The following ADAMTS19 variants were observed in gnomAD, a reference collection of about 807,000 sequenced individuals.
ADAMTS19 encodes the protein A disintegrin and metalloproteinase with thrombospondin motifs 19.
In ADAMTS19, 93 loss-of-function variants were observed where a neutral mutation model predicts 153.3. The observed-to-expected ratio is 0.61, with a 90% confidence interval of 0.51 to 0.72. The LOEUF (loss-of-function observed/expected upper bound fraction) is 0.72. Ranked by LOEUF, ADAMTS19 falls within the 30% of genes least tolerant of loss-of-function variation. ADAMTS19 has a pLI of 0.00. For synonymous variants in ADAMTS19, 600 were observed against 556.6 expected, an observed-to-expected ratio of 1.08 and a Z score of -1.10; for missense variants, 1,482 against 1,552.1, an observed-to-expected ratio of 0.95 and a Z score of 0.76.
chr5:129,461,904 G>C lies in ADAMTS19; in HGVS notation c.747+147G>C. 8.2e-7 allele frequency: 1 copy of C among 1,218,814 alleles called. No individual in the cohort carries two copies. The highest frequency in any genetic ancestry group is 1.1e-6 in the Non-Finnish European group (1 of 941,562). 75.5% of individuals were successfully genotyped at this position (1,218,814 alleles called of 1,614,324 possible). A position where few individuals can be genotyped will look rare whatever the true frequency, so the allele number is the denominator to read the frequency against. On this transcript the variant is annotated intron_variant, in intron 2 of 22. Transcript: ENST00000274487. This position sits in a 1 kb window ranked among gnomAD's most constrained non-coding sequence, Gnocchi z 4.6. Reference sequence around the variant, plus strand: ...GACTGCACCCCCAGGTGTCTACATCGTTTGCCTCCCATGGAACATCTCCAG... The same window carrying C: ...GACTGCACCCCCAGGTGTCTACATCCTTTGCCTCCCATGGAACATCTCCAG...
chr5:129,511,734 G>A (rs946957032), intron 3 of ADAMTS19, among the ~76,000 whole-genome samples: 2 of 151,650 alleles, frequency 1.3e-5, no homozygotes, highest in African/African-American at 2.4e-5. Flanking sequence ...AATGGACTTC[G>A]GGATCAGACT....
At chr5:129,535,091 G>A (rs1025173499) in intron 6 of ADAMTS19, among the ~76,000 whole-genome samples, 4 of 152,106 alleles carry the variant, frequency 2.6e-5, no homozygotes, top group Non-Finnish European at 4.4e-5. Context: ...AGGAAATAAA[G>A]GGCATTCAAT....
In ADAMTS19 at chr5:129,527,786, G is replaced by T; in HGVS notation, c.1125G>T (p.Gln375His). 7 of 1,600,876 alleles carry T rather than the reference G, an allele frequency of 4.4e-6. No individual in the cohort carries two copies. The highest frequency in any genetic ancestry group is 6.0e-6 in the Non-Finnish European group (7 of 1,170,846). The change falls in exon 5 of 23, where the codon CAG becomes CAT. Residue 375 changes from glutamine to histidine, a missense_variant. Gln to His is a conservative substitution (Grantham distance 24). Transcript: ENST00000274487. ...NLFQHKSLSV[Q>H]VNLRVIKLIL... Reference sequence around the variant, plus strand: ...TCCAACACAAGAGTCTGAGTGTGCAGGTCAATCTTCGTGTGATAAAGCTTA... The same window carrying T: ...TCCAACACAAGAGTCTGAGTGTGCATGTCAATCTTCGTGTGATAAAGCTTA...
At chr5:129,701,792 T>A (rs1429427948) in intron 20 of ADAMTS19, among the ~76,000 whole-genome samples, 200 bp downstream of exon 20, 1 of 152,354 alleles carries the variant, frequency 6.6e-6, no homozygotes, top group Admixed American at 6.5e-5. Flanking sequence ...ATTCTATAAA[T>A]ATTGCAACAT....
At chr5:129,519,722 C>A (rs1187717614) in intron 3 of ADAMTS19, among the ~76,000 whole-genome samples, 1 of 151,942 alleles carries the variant, frequency 6.6e-6, no homozygotes, top group Non-Finnish European at 1.5e-5. Context: ...TCCCACTATG[C>A]CATTTTGCAT....
At chr5:129,643,157 A>G (rs1304957562) in intron 11 of ADAMTS19, among the ~76,000 whole-genome samples, 1 of 149,082 alleles carries the variant, frequency 6.7e-6, no homozygotes, top group Admixed American at 6.6e-5. Context: ...ATGTGAATAC[A>G]CACACAAAAG....
At chr5:129,559,573 C>T (rs907866075) in intron 7 of ADAMTS19, among the ~76,000 whole-genome samples, 1 of 152,054 alleles carries the variant, frequency 6.6e-6, no homozygotes. Flanking sequence ...TTGGTGTAAT[C>T]ATTTTGGAGA....
At chr5:129,585,074 G>A (rs995194789) in intron 7 of ADAMTS19, among the ~76,000 whole-genome samples, 1 of 152,144 alleles carries the variant, frequency 6.6e-6, no homozygotes, top group Non-Finnish European at 1.5e-5. Context: ...AAGACAGTGG[G>A]AAAAGCGTAG....
At chr5:129,495,060 A>T (rs186836248) in intron 2 of ADAMTS19, among the ~76,000 whole-genome samples, 2,003 of 151,892 alleles carry the variant, frequency 0.013, 50 homozygotes, top group African/African-American at 0.045. Flanking sequence ...ATTGTTTTTT[A>T]TTTTTTTTAA....
At chr5:129,528,776 C>T (rs944993660) in intron 6 of ADAMTS19, 99 bp downstream of exon 6, 19 of 1,025,794 alleles carry the variant, frequency 1.9e-5, no homozygotes, top group Middle Eastern at 2.3e-4. Flanking sequence ...TTTCAGATTT[C>T]GTGTTTCAAG....
intron 2 of ADAMTS19, among the ~76,000 whole-genome samples, chr5:129,503,347 T>C (rs1315556413): frequency 6.6e-6 from 1 of 152,180 alleles, no homozygotes; most frequent in African/African-American, 2.4e-5. Context: ...TATATGTAGA[T>C]ATAGAATACA....
intron 2 of ADAMTS19, among the ~76,000 whole-genome samples, chr5:129,482,003 C>A (rs891345178): frequency 1.3e-5 from 2 of 152,294 alleles, no homozygotes; most frequent in African/African-American, 4.8e-5. Flanking sequence ...CACCTGCATG[C>A]ATTGCCTTTG....
At chr5:129,735,216 T>C in intron 22 of ADAMTS19, 107 bp downstream of exon 22, 2 of 1,129,184 alleles carry the variant, frequency 1.8e-6, no homozygotes, top group East Asian at 6.0e-5. Flanking sequence ...TCTATACTGA[T>C]TATTTTGGTT....
intron 10 of ADAMTS19, among the ~76,000 whole-genome samples, chr5:129,627,571 C>T (rs1752106192): frequency 6.7e-6 from 1 of 150,316 alleles, no homozygotes; most frequent in Non-Finnish European, 1.5e-5. Flanking sequence ...AAAGAGACAA[C>T]CTACAGAATG....
At chr5:129,540,173 C>T (rs766264160) in intron 6 of ADAMTS19, among the ~76,000 whole-genome samples, 10 of 152,048 alleles carry the variant, frequency 6.6e-5, no homozygotes, top group Admixed American at 2.0e-4. Context: ...AAATGCTCAT[C>T]GTAGATAACT....
At chr5:129,538,738 C>A (rs764896979) in intron 6 of ADAMTS19, among the ~76,000 whole-genome samples, 2 of 152,026 alleles carry the variant, frequency 1.3e-5, no homozygotes, top group Non-Finnish European at 2.9e-5. Context: ...TCCATATTTT[C>A]CCTTAAAAGT....
intron 2 of ADAMTS19, among the ~76,000 whole-genome samples, chr5:129,506,629 A>G (rs1581018169): frequency 6.6e-6 from 1 of 152,026 alleles, no homozygotes; most frequent in East Asian, 1.9e-4. Context: ...CTAACAAAAC[A>G]ACAATATAAT....
chr5:129,562,351 G>C (rs1022147941), intron 7 of ADAMTS19, among the ~76,000 whole-genome samples: 1 of 152,174 alleles, frequency 6.6e-6, no homozygotes, highest in Admixed American at 6.5e-5. Context: ...AAGTGAAATT[G>C]TCATGGTACC....
intron 2 of ADAMTS19, among the ~76,000 whole-genome samples, chr5:129,502,333 T>C (rs1042327351): frequency 6.6e-6 from 1 of 151,708 alleles, no homozygotes; most frequent in Non-Finnish European, 1.5e-5. Context: ...TTAAGTAGAG[T>C]GTAAGTAGCA....
Sources: allele counts gnomAD v4.1 joint callset (sites outside exome capture counted in the v4.1 genomes callset), GRCh38; gene constraint gnomAD v4.1.1; non-coding constraint Gnocchi (gnomAD v3.1); transcripts MANE v1.5; gene names NCBI Gene and HGNC (gene_info 2026-07-23, HGNC 2026-07-21).